PPP1R37: variants seen among roughly 807,000 people sequenced by gnomAD.
PPP1R37 encodes protein phosphatase 1 regulatory subunit 37.
Under a neutral mutation model 61.0 loss-of-function variants are expected in PPP1R37, and 21 were observed. The observed-to-expected ratio is 0.34, with a 90% CI of 0.24 to 0.50. The LOEUF (loss-of-function observed/expected upper bound fraction) is 0.50, where lower values mean the gene tolerates loss of function less well. Among genes scored for constraint, PPP1R37 ranks in the 20% least tolerant of loss-of-function variants. The pLI is 0.98. For missense variants in PPP1R37, 910 were observed against 952.7 expected (o/e 0.96, Z 0.59); for synonymous variants, 443 against 433.5 (o/e 1.02, Z -0.27).
At chr19:45,135,716 G>A (rs531317877) in intron 1 of PPP1R37, among the ~76,000 whole-genome samples, 83 of 151,960 alleles carry the variant, frequency 5.5e-4, no homozygotes, top group Non-Finnish European at 1.1e-3. Context: ...CGTGGGCAGC[G>A]CTGCTCTGTG....
rs1401966518 is a variant in PPP1R37 at position 45,142,416 on chromosome 19, C to T, written c.832C>T (p.Leu278=). Residue 278 remains leucine (L), a synonymous_variant, in exon 7 of 13, where the codon CTG becomes TTG. Coordinates refer to ENST00000221462, the MANE Select transcript of PPP1R37 (RefSeq NM_019121.2). ...TAACCTGCTCAAGTTCAACTGCTCC[C>T]TGCAGATCCTGGACCTCCGGAACAA... The part of the protein sequence containing the change: ...LGNLLKFNCS[L]QILDLRNNHV... 2 of 1,536,168 alleles carry T rather than the reference C, an allele frequency of 1.3e-6. No individual in the cohort carries two copies. The highest frequency in any genetic ancestry group is 2.4e-5 in the East Asian group (1 of 40,914).
chr19:45,131,901 C>A (rs1244966385), intron 1 of PPP1R37, among the ~76,000 whole-genome samples: 1 of 152,218 alleles, frequency 6.6e-6, no homozygotes, highest in Non-Finnish European at 1.5e-5. Context: ...TCTCACGTCC[C>A]TTGTTGCCTG....
At chr19:45,103,493 T>C (rs902692609) in intron 1 of PPP1R37, among the ~76,000 whole-genome samples, 1 of 152,122 alleles carries the variant, frequency 6.6e-6, no homozygotes, top group African/African-American at 2.4e-5. Context: ...CCCCTCCCTC[T>C]CTCCACGGTC....
Position 45,145,156 on chromosome 19 carries a change from G to C in PPP1R37, c.1192G>C (p.Glu398Gln). The C allele has an allele frequency of 1.3e-6, 2 of 1,535,254 alleles. No individual in the cohort carries two copies. Among genetic ancestry groups the C allele is most frequent in the Non-Finnish European group, 1.7e-6 (2 of 1,146,512 alleles). ...SPRLLRLDLR[E>Q]NEIKTGGLMA... is the part of the protein sequence containing the mutation. ...CCGCCTCCTGAGACTGGACCTTCGG[G>C]AGAACGAGATCAAGACAGGCGGGCT... The change falls in exon 10 of 13, where the codon GAG becomes CAG. Residue 398 changes from glutamate to glutamine, a missense_variant. Around this residue, in one of 3 missense-constraint regions of PPP1R37, gnomAD observed 549 missense variants for 505.1 expected, o/e 1.09. Transcript: ENST00000221462.
chr19:45,117,685 T>C (rs1227037707), intron 1 of PPP1R37, among the ~76,000 whole-genome samples: 1 of 152,126 alleles, frequency 6.6e-6, no homozygotes, highest in East Asian at 1.9e-4. Flanking sequence ...GTGGGAAACC[T>C]AGCCTGGAGA....
intron 2 of PPP1R37, 28 bp downstream of exon 2, chr19:45,138,639 C>T (rs1474433401): frequency 1.2e-5 from 17 of 1,468,452 alleles, no homozygotes; most frequent in Admixed American, 7.9e-5. Context: ...TGGGTGCGTC[C>T]GGTGTGGGTG....
intron 1 of PPP1R37, among the ~76,000 whole-genome samples, chr19:45,112,843 G>C (rs542448775): frequency 6.6e-6 from 1 of 152,208 alleles, no homozygotes; most frequent in African/African-American, 2.4e-5. Context: ...CAGGTGCTGG[G>C]TGAAGCAGGT....
Position 45,143,568 on chromosome 19 carries a change from G to C in PPP1R37, c.922G>C (p.Val308Leu). The change falls in exon 8 of 13, where the codon GTG becomes CTG. Residue 308 changes from valine to leucine, a missense_variant. Around this residue, in one of 3 missense-constraint regions of PPP1R37, gnomAD observed 280 missense variants for 382.2 expected, o/e 0.73. Coordinates refer to ENST00000221462, the MANE Select transcript of PPP1R37 (RefSeq NM_019121.2). ...CCTCAAGGAGCAGAGGAAGGGGCTG[G>C]TGACCCTGGTGCTGTGGAACAACCA... ...EGLKEQRKGL[V>L]TLVLWNNQLT... 1 of 1,535,982 alleles carries C rather than the reference G, an allele frequency of 6.5e-7. No homozygotes were observed. The highest frequency in any genetic ancestry group is 8.7e-7 in the Non-Finnish European group (1 of 1,146,788).
chr19:45,104,364 TGGG>T (rs1968102896), intron 1 of PPP1R37, among the ~76,000 whole-genome samples: 1 of 152,110 alleles, frequency 6.6e-6, no homozygotes, highest in Non-Finnish European at 1.5e-5. Context: ...CCGGGCAAAG[TGGG>T]GTTGCTTATG....
At chr19:45,110,245 A>G (rs922122262) in intron 1 of PPP1R37, among the ~76,000 whole-genome samples, 1 of 151,032 alleles carries the variant, frequency 6.6e-6, no homozygotes, top group Non-Finnish European at 1.5e-5. Flanking sequence ...CCTTCTGAGT[A>G]GCTGGGACCA....
In PPP1R37 at chr19:45,110,116, CTTTTTTT is replaced by C. The variant is rs373508881; in HGVS notation, c.202+16597_202+16603del. On this transcript the variant is annotated intron_variant, in intron 1 of 12. Coordinates refer to ENST00000221462, the MANE Select transcript of PPP1R37 (RefSeq NM_019121.2). Reference sequence around the variant, plus strand: ...GAAGGAATTAATGAATTCCCTTTTTCTTTTTTTTTTTTTTGTTGAGACAGAGTCTTGC... The same window carrying C: ...GAAGGAATTAATGAATTCCCTTTTTCTTTTTTTGTTGAGACAGAGTCTTGC... Among the ~76,000 whole-genome samples, 8 of 142,492 alleles carry C rather than the reference CTTTTTTT, an allele frequency of 5.6e-5. No homozygotes were observed. In the East Asian group the frequency reaches 1.0e-3, roughly 18 times the overall value. 93.5% of individuals were successfully genotyped at this position (142,492 alleles called of 152,430 possible).
chr19:45,143,829 A>C (rs535365985), intron 8 of PPP1R37, 196 bp downstream of exon 8: 72 of 460,458 alleles, frequency 1.6e-4, no homozygotes, highest in African/African-American at 1.3e-3. Flanking sequence ...CCCTTCTTTC[A>C]TTATCTCCTT....
intron 4 of PPP1R37, 168 bp downstream of exon 4, chr19:45,140,774 A>G (rs554106829): frequency 2.3e-5 from 14 of 605,690 alleles, no homozygotes; most frequent in South Asian, 2.0e-4. Context: ...CAATATGACC[A>G]GAGTGGATGT....
intron 7 of PPP1R37, 138 bp from the exon 8 acceptor site, chr19:45,143,373 CCAGGCCGAGG>C (rs1264833866): frequency 3.5e-6 from 2 of 572,376 alleles, no homozygotes; most frequent in Non-Finnish European, 3.1e-6. Flanking sequence ...CCCAGGGGTG[CCAGGCCGAGG>C]CAGGGCTGCA....
chr19:45,119,074 C>T (rs1254956400), intron 1 of PPP1R37, among the ~76,000 whole-genome samples: 2 of 152,054 alleles, frequency 1.3e-5, no homozygotes, highest in African/African-American at 4.8e-5. Flanking sequence ...CTGCAGCTTC[C>T]ACCTCCTGGG....
rs762221707 is a variant in PPP1R37 at position 45,134,561 on chromosome 19, C to CTT, written c.203-3940_203-3939dup. ...AATCTTAGTTTTGGTGTGCTCATTC[C>CTT]TTTTTTTTTTTTTTCTTGAGACAGA... On this transcript the variant is annotated intron_variant, in intron 1 of 12. Transcript: ENST00000221462. 6.3e-5 allele frequency among the ~76,000 whole-genome samples: 9 copies of CTT among 142,502 alleles called. No homozygotes were observed. In the East Asian group the frequency reaches 8.1e-4, roughly 13 times the overall value. 93.5% of individuals were successfully genotyped at this position (142,502 alleles called of 152,430 possible). A position where few individuals can be genotyped will look rare whatever the true frequency, so the allele number is the denominator to read the frequency against.
chr19:45,128,643 T>A, intron 1 of PPP1R37: 1 of 1,245,784 alleles, frequency 8.0e-7, no homozygotes, highest in Non-Finnish European at 1.2e-6. Flanking sequence ...CTCAGCATTA[T>A]GTAACACTGG....
intron 1 of PPP1R37, among the ~76,000 whole-genome samples, chr19:45,137,567 G>A (rs1382283970): frequency 1.3e-5 from 2 of 152,298 alleles, no homozygotes; most frequent in African/African-American, 2.4e-5. Context: ...GGGAACACCC[G>A]GGACCAGGCC....
At chr19:45,142,521 G>A (rs988869696) in intron 7 of PPP1R37, 63 bp downstream of exon 7, 10 of 1,467,802 alleles carry the variant, frequency 6.8e-6, no homozygotes, top group African/African-American at 1.4e-5. Flanking sequence ...CCGGCCCTGC[G>A]CTAGGTGGTG....
Sources: allele counts gnomAD v4.1 joint callset (sites outside exome capture counted in the v4.1 genomes callset), GRCh38; gene constraint gnomAD v4.1.1; regional missense constraint gnomAD v4.1.1; transcripts MANE v1.5; gene names NCBI Gene and HGNC (gene_info 2026-07-23, HGNC 2026-07-21).